RANBP17: variants seen among roughly 807,000 people sequenced by gnomAD.
RANBP17 encodes the protein ran-binding protein 17.
RANBP17 carries 158 observed loss-of-function variants against 141.2 expected under a neutral mutation model. The ratio of observed to expected loss-of-function variants is 1.12; its 90% confidence interval spans 0.98 to 1.28. RANBP17 has a LOEUF of 1.28. RANBP17 is among the 50% of genes most tolerant of loss of function. The pLI is 0.00. For missense variants in RANBP17, 1,438 were observed against 1,290.7 expected (o/e 1.11, Z -1.75); for synonymous variants, 430 against 450.0 (o/e 0.96, Z 0.56).
intron 3 of RANBP17, among the ~76,000 whole-genome samples, chr5:170,885,239 A>G (rs985330506): frequency 7.2e-5 from 11 of 152,192 alleles, no homozygotes; most frequent in Non-Finnish European, 1.5e-4. Context: ...GAAGTTTTCT[A>G]TATTTAGCCA....
At chr5:170,876,636 C>G (rs754717574) in intron 1 of RANBP17, among the ~76,000 whole-genome samples, 2 of 151,642 alleles carry the variant, frequency 1.3e-5, no homozygotes. Flanking sequence ...GGATGCTGGG[C>G]TCTGATGTAG....
intron 14 of RANBP17, among the ~76,000 whole-genome samples, chr5:170,982,750 A>G (rs1256407423): frequency 6.6e-6 from 1 of 152,200 alleles, no homozygotes; most frequent in Non-Finnish European, 1.5e-5. Context: ...GTTCCAGCAA[A>G]GTGAGTGAAA....
intron 24 of RANBP17, among the ~76,000 whole-genome samples, chr5:171,259,407 T>G (rs925317018): frequency 1.3e-5 from 2 of 152,208 alleles, no homozygotes; most frequent in African/African-American, 4.8e-5. Context: ...ATCACAGGAC[T>G]GCCTCACTCA....
At chr5:171,137,600 G>GTGTGTC (rs1272058443) in intron 14 of RANBP17, among the ~76,000 whole-genome samples, 3 of 143,432 alleles carry the variant, frequency 2.1e-5, no homozygotes, top group Non-Finnish European at 4.5e-5. Flanking sequence ...GTGTGTGTGT[G>GTGTGTC]TGTGTCTGTG....
At chr5:171,139,122 T>TA (rs1472579912) in intron 14 of RANBP17, among the ~76,000 whole-genome samples, 1 of 151,926 alleles carries the variant, frequency 6.6e-6, no homozygotes, top group Non-Finnish European at 1.5e-5. Flanking sequence ...ATTTTAAATT[T>TA]AAAAAAATTG....
At chr5:171,131,853 T>C (rs1158819157) in intron 14 of RANBP17, among the ~76,000 whole-genome samples, 2 of 152,208 alleles carry the variant, frequency 1.3e-5, no homozygotes, top group African/African-American at 4.8e-5. Flanking sequence ...TGTACTGCAT[T>C]CTTTTCATTT....
chr5:171,111,882 A>G (rs1316270156), intron 14 of RANBP17, among the ~76,000 whole-genome samples: 1 of 152,194 alleles, frequency 6.6e-6, no homozygotes, highest in Non-Finnish European at 1.5e-5. Flanking sequence ...ACTTATACTT[A>G]GGGATCATGC....
At chr5:171,002,027 GC>G (rs1170232034) in intron 14 of RANBP17, among the ~76,000 whole-genome samples, 3 of 151,988 alleles carry the variant, frequency 2.0e-5, no homozygotes, top group Non-Finnish European at 4.4e-5. Context: ...AAGGGAGGGG[GC>G]CTGAACAATC....
intron 16 of RANBP17, among the ~76,000 whole-genome samples, chr5:171,181,647 T>C (rs1013185250): frequency 2.6e-5 from 4 of 152,236 alleles, no homozygotes; most frequent in African/African-American, 7.2e-5. Flanking sequence ...GCAACTGGAA[T>C]GGTTGCTTTG....
intron 14 of RANBP17, among the ~76,000 whole-genome samples, chr5:170,988,257 T>C (rs1009982179): frequency 2.0e-5 from 3 of 151,580 alleles, no homozygotes; most frequent in African/African-American, 7.3e-5. Flanking sequence ...CTTTTTGGAT[T>C]GTTCTCGAGT....
chr5:171,216,448 G>A (rs1763224313), intron 21 of RANBP17, among the ~76,000 whole-genome samples: 1 of 152,150 alleles, frequency 6.6e-6, no homozygotes, highest in Non-Finnish European at 1.5e-5. Context: ...GAAAGATACT[G>A]GTAGCTTGAT....
At chr5:171,295,072 T>G (rs1235255047) in intron 26 of RANBP17, among the ~76,000 whole-genome samples, 2 of 152,240 alleles carry the variant, frequency 1.3e-5, no homozygotes, top group African/African-American at 2.4e-5. Context: ...TAATTATGTG[T>G]GTTTTTTGAT....
chr5:171,117,986 G>C (rs944483095), intron 14 of RANBP17, among the ~76,000 whole-genome samples: 1 of 152,006 alleles, frequency 6.6e-6, no homozygotes, highest in Non-Finnish European at 1.5e-5. Context: ...TTCCTTTGCT[G>C]TGCAGAAGGT....
At position 170,897,362 on chromosome 5, in the gene RANBP17, T is replaced by TTC. The variant is rs1488942682; in HGVS notation, c.489+1248_489+1249insCT. On this transcript the variant is annotated intron_variant, in intron 5 of 27. Coordinates refer to ENST00000523189, the MANE Select transcript of RANBP17 (RefSeq NM_022897.5). ...CACATTTCTTCTTCTTCTTCTTCTTTTTTTTTTTTAAATATTCCATTGCGC... is the reference window on the plus strand; with the variant it reads ...CACATTTCTTCTTCTTCTTCTTCTTTTCTTTTTTTTTAAATATTCCATTGCGC... 21 of 493,170 alleles carry TTC rather than the reference T, an allele frequency of 4.3e-5. No homozygotes were observed. In the East Asian group the frequency reaches 7.1e-4, roughly 17 times the overall value. 30.5% of individuals were successfully genotyped at this position (493,170 alleles called of 1,614,324 possible).
intron 12 of RANBP17, among the ~76,000 whole-genome samples, chr5:170,933,298 C>T (rs1561904811): frequency 6.6e-6 from 1 of 152,064 alleles, no homozygotes; most frequent in African/African-American, 2.4e-5. Context: ...TGATTCCTCT[C>T]TCTTTTCTTC....
chr5:171,076,258 G>A (rs1445583148), intron 14 of RANBP17, among the ~76,000 whole-genome samples: 1 of 152,194 alleles, frequency 6.6e-6, no homozygotes, highest in Non-Finnish European at 1.5e-5. Context: ...TTTGTGATAA[G>A]ATAATAAGTA....
chr5:171,053,173 ATT>A (rs78082905), intron 14 of RANBP17, among the ~76,000 whole-genome samples: 5 of 147,696 alleles, frequency 3.4e-5, no homozygotes, highest in African/African-American at 9.9e-5. Context: ...ATGCCTTAGA[ATT>A]TTTTTTTTTT....
intron 5 of RANBP17, chr5:170,903,635 A>G (rs1770842092): frequency 3.9e-6 from 1 of 257,460 alleles, no homozygotes; most frequent in Non-Finnish European, 8.4e-6. Flanking sequence ...TGACCTCATA[A>G]TGGCATCTTG....
At chr5:171,121,711 T>C (rs1416221558) in intron 14 of RANBP17, among the ~76,000 whole-genome samples, 1 of 152,152 alleles carries the variant, frequency 6.6e-6, no homozygotes, top group African/African-American at 2.4e-5. Flanking sequence ...CTGCCACTCC[T>C]GGGACCAGGC....
Sources: gnomAD v4.1 joint callset for allele counts (sites outside exome capture counted in the v4.1 genomes callset) on GRCh38, gnomAD v4.1.1 for gene constraint, MANE v1.5 for transcripts, NCBI Gene and HGNC (gene_info 2026-07-23, HGNC 2026-07-21) for gene names.